Variants in CFAP97D2 observed in about 807,000 individuals in gnomAD.
CFAP97D2 encodes CFAP97 domain containing 2, also known as uncharacterized protein CFAP97D2.
At chr13:114,214,476 A>G (rs2080984807) in intron 4 of CFAP97D2, among the ~76,000 whole-genome samples, 1 of 152,236 alleles carries the variant, frequency 6.6e-6, no homozygotes, top group Non-Finnish European at 1.5e-5. Context: ...TAGAGGGTGT[A>G]AGGAACATGG....
At position 114,185,890 on chromosome 13, in the gene CFAP97D2, G is replaced by A. The variant is rs547451704; in HGVS notation, c.90+6470G>A. Among the ~76,000 whole-genome samples, 8 of 152,384 alleles carry A rather than the reference G, an allele frequency of 5.2e-5. No individual in the cohort carries two copies. The highest frequency in any genetic ancestry group is 2.1e-4 in the South Asian group (1 of 4,832). ...CCATGAACAGCAACAGGAGGCAGAC[G>A]GACTCCTGGGCAGAAGGGGTCAGGT... On this transcript the variant is annotated intron_variant, in intron 1 of 4. Transcript: ENST00000646158. The surrounding 1 kb of genome is among the most constrained non-coding windows in gnomAD (Gnocchi z 5.2).
In CFAP97D2 at chr13:114,186,695, G is replaced by A. The variant is rs553855501; in HGVS notation, c.90+7275G>A. ...CACTGCATTCCCCAGTGCCAACTAT[G>A]GAAGCTTCTTGCAGTATGCCTGGTC... On this transcript the variant is annotated intron_variant, in intron 1 of 4. Coordinates refer to ENST00000646158, the Ensembl canonical transcript of CFAP97D2. This position sits in a 1 kb window ranked among gnomAD's most constrained non-coding sequence, Gnocchi z 4.3. Among the ~76,000 whole-genome samples the A allele has an allele frequency of 1.3e-5, 2 of 152,352 alleles. No homozygotes were observed. Among genetic ancestry groups the A allele is most frequent in the East Asian group, 3.9e-4 (2 of 5,190 alleles).
chr13:114,192,861 T>C (rs1369320722), intron 1 of CFAP97D2, among the ~76,000 whole-genome samples: 2 of 152,188 alleles, frequency 1.3e-5, no homozygotes, highest in Non-Finnish European at 2.9e-5. Flanking sequence ...GAAAAAATTA[T>C]ACAATTGGTT....
At chr13:114,200,770 G>A (rs1388548668) in intron 3 of CFAP97D2, among the ~76,000 whole-genome samples, 2 of 152,206 alleles carry the variant, frequency 1.3e-5, no homozygotes, top group African/African-American at 4.8e-5. Flanking sequence ...GGGCTCTTGT[G>A]CACCTCACAG....
At chr13:114,221,254 C>CA (rs1212911026) in intron 4 of CFAP97D2, among the ~76,000 whole-genome samples, 9 of 151,718 alleles carry the variant, frequency 5.9e-5, no homozygotes, top group Non-Finnish European at 7.4e-5. Context: ...CTCAAAAAAA[C>CA]AAAAAAACAA....
chr13:114,183,100 G>T (rs1415484094), intron 1 of CFAP97D2, among the ~76,000 whole-genome samples: 4 of 152,132 alleles, frequency 2.6e-5, no homozygotes, highest in Non-Finnish European at 5.9e-5. Context: ...GCTTTAGGAC[G>T]TATCAGTTAA....
At position 114,187,763 on chromosome 13, in the gene CFAP97D2, T is replaced by C. The variant is rs1236848893; in HGVS notation, c.90+8343T>C. Among the ~76,000 whole-genome samples the C allele has an allele frequency of 1.3e-5, 2 of 152,278 alleles. No homozygotes were observed. Among genetic ancestry groups the C allele is most frequent in the African/African-American group, 4.8e-5 (2 of 41,546 alleles). On this transcript the variant is annotated intron_variant, in intron 1 of 4. Transcript: ENST00000646158. This position sits in a 1 kb window ranked among gnomAD's most constrained non-coding sequence, Gnocchi z 4.2. ...ATCAACTAGATATAATTGATATCTA[T>C]CATCCAATTCATCCAGCAACAGGAT... is the stretch of plus-strand genomic sequence containing the variant.
chr13:114,182,170 A>AAAC lies in CFAP97D2; in HGVS notation c.90+2751_90+2752insACA, dbSNP rs545778007. 2.2e-3 allele frequency among the ~76,000 whole-genome samples: 279 copies of AAAC among 129,032 alleles called. 23 individuals are homozygous for AAAC. Among genetic ancestry groups the AAAC allele is most frequent in the African/African-American group, 7.3e-3 (252 of 34,290 alleles). The allele number at this position is 129,032 out of a possible 152,430, so 84.7% of individuals were successfully genotyped here. On this transcript the variant is annotated intron_variant, in intron 1 of 4. Transcript: ENST00000646158. ...GATAATAAGGAGAAGGTCAGCAAAA[A>AAAC]ACGTGAGCAAAAGAGTCTATGTCGT...
chr13:114,181,997 A>G (rs9562081), intron 1 of CFAP97D2, among the ~76,000 whole-genome samples: 9,141 of 152,198 alleles, frequency 0.06, 613 homozygotes, highest in East Asian at 0.37. Context: ...ACACAGAGAC[A>G]AAGTATAGAG....
intron 3 of CFAP97D2, among the ~76,000 whole-genome samples, chr13:114,205,435 T>C (rs2080935349): frequency 6.6e-6 from 1 of 152,228 alleles, no homozygotes; most frequent in African/African-American, 2.4e-5. Context: ...AACTTGTGGA[T>C]TAGTTCTACA....
chr13:114,182,034 CG>C (rs1201915490), intron 1 of CFAP97D2, among the ~76,000 whole-genome samples: 42 of 152,182 alleles, frequency 2.8e-4, no homozygotes, highest in African/African-American at 5.5e-4. Flanking sequence ...AGGGGACCGG[CG>C]CTCAGCATAC....
At chr13:114,216,056 A>C (rs1412844236) in intron 4 of CFAP97D2, among the ~76,000 whole-genome samples, 2 of 152,180 alleles carry the variant, frequency 1.3e-5, no homozygotes, top group Admixed American at 1.3e-4. Context: ...TGTTGGGTCT[A>C]AGTACACAAG....
chr13:114,199,993 A>C (rs71437281), intron 2 of CFAP97D2, among the ~76,000 whole-genome samples: 3,768 of 3,864 alleles, frequency 0.98, 1,841 homozygotes, highest in Admixed American at 0.98. Context: ...ACGGTCCCCG[A>C]TGAGGCGTGA....
chr13:114,219,617 T>C (rs565778065), intron 4 of CFAP97D2, among the ~76,000 whole-genome samples: 1 of 152,300 alleles, frequency 6.6e-6, no homozygotes, highest in East Asian at 1.9e-4. Context: ...TTTATTGAAG[T>C]CCCCAGCTTT....
At chr13:114,210,890 A>G (rs1427276356) in intron 3 of CFAP97D2, among the ~76,000 whole-genome samples, 3 of 150,504 alleles carry the variant, frequency 2.0e-5, no homozygotes, top group Non-Finnish European at 4.4e-5. Context: ...ACACACACAC[A>G]CTTTAATGGC....
At chr13:114,221,162 G>A (rs910077700) in intron 4 of CFAP97D2, among the ~76,000 whole-genome samples, 3 of 152,232 alleles carry the variant, frequency 2.0e-5, no homozygotes, top group Non-Finnish European at 4.4e-5. Flanking sequence ...CAGGAGGATC[G>A]CTTGAACCAG....
At chr13:114,213,367 C>T (rs1349547796) in intron 4 of CFAP97D2, among the ~76,000 whole-genome samples, 1 of 146,988 alleles carries the variant, frequency 6.8e-6, no homozygotes, top group Non-Finnish European at 1.5e-5. Context: ...ATGAACCCCA[C>T]CCCTGCACAA....
Position 114,216,096 on chromosome 13 carries a change from G to C in CFAP97D2, c.480+3995G>C, listed in dbSNP as rs577989700. Among the ~76,000 whole-genome samples the C allele has an allele frequency of 7.9e-5, 12 of 152,232 alleles. No homozygotes were observed. In the South Asian group the frequency reaches 2.3e-3, roughly 29 times the overall value. ...AATCTCACTAGTGGACTGAATTCGTGCATGAGAGCCTCCCAGAGCCTCCCA... is the reference window on the plus strand; with the variant it reads ...AATCTCACTAGTGGACTGAATTCGTCCATGAGAGCCTCCCAGAGCCTCCCA... On this transcript the variant is annotated intron_variant, in intron 4 of 4. Coordinates refer to ENST00000646158, the Ensembl canonical transcript of CFAP97D2.
chr13:114,219,739 G>A (rs1267928929), intron 4 of CFAP97D2, among the ~76,000 whole-genome samples: 2 of 152,212 alleles, frequency 1.3e-5, no homozygotes, highest in African/African-American at 2.4e-5. Context: ...GGACAAAAAC[G>A]GGAAACATGG....
Sources: gnomAD v4.1 joint callset for allele counts (sites outside exome capture counted in the v4.1 genomes callset) on GRCh38, gnomAD v4.1.1 for gene constraint, Gnocchi (gnomAD v3.1) non-coding constraint, MANE v1.5 for transcripts, NCBI Gene and HGNC (gene_info 2026-07-23, HGNC 2026-07-21) for gene names.